DYTN: variants seen among roughly 807,000 people sequenced by gnomAD.
DYTN encodes the protein dystrotelin.
Under a neutral mutation model 69.6 loss-of-function variants are expected in DYTN, and 75 were observed. The observed-to-expected ratio is 1.08, with a 90% CI of 0.89 to 1.31. DYTN has a LOEUF of 1.31. DYTN is among the 50% of genes most tolerant of loss of function. The pLI, the probability that DYTN is intolerant of heterozygous loss-of-function variation, is 0.00. For synonymous variants in DYTN, 252 were observed against 249.1 expected, an observed-to-expected ratio of 1.01 and a Z score of -0.11; for missense variants, 726 against 688.4, an observed-to-expected ratio of 1.05 and a Z score of -0.61.
chr2:206,680,483 G>C (rs980534754), intron 9 of DYTN, among the ~76,000 whole-genome samples: 1 of 152,092 alleles, frequency 6.6e-6, no homozygotes, highest in Non-Finnish European at 1.5e-5. Context: ...AAAAAACAAG[G>C]AAATCATTCC....
intron 9 of DYTN, among the ~76,000 whole-genome samples, chr2:206,685,516 G>C (rs1287425018): frequency 6.6e-6 from 1 of 152,004 alleles, no homozygotes; most frequent in Non-Finnish European, 1.5e-5. Context: ...ACAATGATAG[G>C]GTTTGAAGGA....
At chr2:206,659,857 T>C (rs1192570027) in intron 11 of DYTN, among the ~76,000 whole-genome samples, 7 of 152,190 alleles carry the variant, frequency 4.6e-5, no homozygotes, top group Non-Finnish European at 7.3e-5. Flanking sequence ...TGAAGATTAA[T>C]ATAGTTTCTC....
At chr2:206,703,335 C>A (rs1699994106) in intron 5 of DYTN, among the ~76,000 whole-genome samples, 1 of 152,138 alleles carries the variant, frequency 6.6e-6, no homozygotes, top group Non-Finnish European at 1.5e-5. Flanking sequence ...CCAGCCTTCC[C>A]AGGCCCCCAC....
chr2:206,694,951 A>G, intron 7 of DYTN, 74 bp from the exon 8 acceptor site: 1 of 1,170,660 alleles, frequency 8.5e-7, no homozygotes, highest in East Asian at 2.5e-5. Flanking sequence ...ATATCCAGGT[A>G]GAGAATGAGC....
In DYTN at chr2:206,700,176, A is replaced by C. The variant is rs113838785; in HGVS notation, c.524T>G (p.Val175Gly). 347 of 1,613,928 alleles carry C rather than the reference A, an allele frequency of 2.2e-4. 1 individual carries two copies. The African/African-American group carries it at 4.0e-3, about 19-fold the overall frequency. ...FVGESRALCPVESATRSCFQG... is the reference protein window; with the variant it reads ...FVGESRALCPGESATRSCFQG... ...GAAACAGCTGCGGGTGGCACTTTCC[A>C]CAGGGCACAGAGCACGACTCTCTCC... The change falls in exon 6 of 12, where the codon GTG (valine) becomes GGG (glycine). Residue 175 changes from valine (V) to glycine (G), a missense_variant. Val to Gly is a moderately radical substitution (Grantham distance 109). Coordinates refer to ENST00000452335, the MANE Select transcript of DYTN (RefSeq NM_001093730.1).
At chr2:206,657,354 C>G (rs1208262220) in intron 11 of DYTN, among the ~76,000 whole-genome samples, 1 of 152,154 alleles carries the variant, frequency 6.6e-6, no homozygotes, top group Non-Finnish European at 1.5e-5. Context: ...AAGCTAGTAA[C>G]TGCTTGTTGA....
chr2:206,712,037 T>G (rs1700083123), intron 1 of DYTN, among the ~76,000 whole-genome samples: 2 of 152,192 alleles, frequency 1.3e-5, no homozygotes, highest in Admixed American at 6.5e-5. Context: ...ATCATACACA[T>G]TAATAGCTTA....
chr2:206,694,640 G>T, intron 8 of DYTN, 126 bp downstream of exon 8: 1 of 656,680 alleles, frequency 1.5e-6, no homozygotes, highest in Non-Finnish European at 2.4e-6. Context: ...CACTTGCTTA[G>T]TCTTAAATAT....
chr2:206,716,680 A>C (rs1700133550), intron 1 of DYTN, among the ~76,000 whole-genome samples: 1 of 152,064 alleles, frequency 6.6e-6, no homozygotes, highest in Non-Finnish European at 1.5e-5. Context: ...GAGTAGGCAT[A>C]ATAGGGTGGA....
chr2:206,665,847 C>T, intron 10 of DYTN, 23 bp downstream of exon 10: 1 of 1,610,568 alleles, frequency 6.2e-7, no homozygotes, highest in Non-Finnish European at 8.5e-7. Flanking sequence ...GTCCAGATGG[C>T]CAGTGTCCCT....
chr2:206,684,122 T>C (rs1699781848), intron 9 of DYTN, among the ~76,000 whole-genome samples: 1 of 152,118 alleles, frequency 6.6e-6, no homozygotes, highest in Non-Finnish European at 1.5e-5. Context: ...CAACATTCAA[T>C]AAACTTATTG....
intron 11 of DYTN, among the ~76,000 whole-genome samples, chr2:206,661,270 T>G (rs1378940505): frequency 1.3e-5 from 2 of 152,210 alleles, no homozygotes; most frequent in Admixed American, 6.5e-5. Context: ...GTTACTGTGT[T>G]ATAGCAGCCC....
intron 6 of DYTN, 87 bp from the exon 7 acceptor site, chr2:206,699,977 G>T (rs1699959643): frequency 3.2e-6 from 5 of 1,549,736 alleles, no homozygotes; most frequent in East Asian, 4.6e-5. Context: ...TGTCAGTTCT[G>T]CTGAAGAAGT....
rs532282575 is a variant in DYTN, at chr2:206,704,953, T to C, written c.383-10A>G. On this transcript the variant is annotated splice_polypyrimidine_tract_variant and intron_variant, in intron 4 of 11. Transcript: ENST00000452335. Reference sequence around the variant, plus strand: ...TAGAGTTGAAAAAGAGCTAGACATGTAGGAGGAACAATCTTTAAATTGAAT... The same window carrying C: ...TAGAGTTGAAAAAGAGCTAGACATGCAGGAGGAACAATCTTTAAATTGAAT... The C allele has an allele frequency of 6.8e-6, 11 of 1,607,026 alleles. No homozygotes were observed. Among genetic ancestry groups the C allele is most frequent in the Middle Eastern group, 1.7e-4 (1 of 6,048 alleles).
rs1574587012 is a variant in DYTN at position 206,662,831 on chromosome 2, T to C, written c.1633+72A>G. On this transcript the variant is annotated intron_variant, in intron 11 of 11. Transcript: ENST00000452335. ...ATGAACTGGAGCTGTTGGGCTGTTA[T>C]AAAATCAAGTTTTTAAAAAGGCAGC... is the stretch of plus-strand genomic sequence containing the variant. 5.8e-6 allele frequency: 9 copies of C among 1,538,852 alleles called. No individual in the cohort carries two copies. The East Asian group carries it at 1.6e-4, about 27-fold the overall frequency.
chr2:206,672,489 C>G (rs964068366), intron 9 of DYTN, among the ~76,000 whole-genome samples: 5 of 152,208 alleles, frequency 3.3e-5, no homozygotes, highest in Non-Finnish European at 5.9e-5. Context: ...GTCGCACACT[C>G]TAGCATGATG....
At chr2:206,668,886 C>T (rs1372942331) in intron 9 of DYTN, among the ~76,000 whole-genome samples, 1 of 152,094 alleles carries the variant, frequency 6.6e-6, no homozygotes, top group Non-Finnish European at 1.5e-5. Flanking sequence ...TCTGGCGTTT[C>T]CCCCGCTTGT....
chr2:206,700,561 A>T (rs1574601188), intron 5 of DYTN, among the ~76,000 whole-genome samples: 1 of 152,044 alleles, frequency 6.6e-6, no homozygotes, highest in African/African-American at 2.4e-5. Context: ...GAAGATCACA[A>T]TAATACTGTC....
chr2:206,675,111 A>ATGTGTGTG (rs1395995174), intron 9 of DYTN, among the ~76,000 whole-genome samples: 1 of 95,680 alleles, frequency 1.0e-5, no homozygotes, highest in Non-Finnish European at 2.1e-5. Context: ...AAACATATAT[A>ATGTGTGTG]TATATGTGTG....
Sources: allele counts gnomAD v4.1 joint callset (sites outside exome capture counted in the v4.1 genomes callset), GRCh38; gene constraint gnomAD v4.1.1; transcripts MANE v1.5; gene names NCBI Gene and HGNC (gene_info 2026-07-23, HGNC 2026-07-21).